The following SLC22A15 variants were observed in gnomAD, a reference collection of about 807,000 sequenced individuals.
SLC22A15 encodes flipt 1.
A neutral mutation model predicts 62.7 loss-of-function variants in SLC22A15; 45 were observed. That is an observed-to-expected ratio of 0.72 (90% confidence interval 0.56 to 0.92). The LOEUF is 0.92. Among genes scored for constraint, SLC22A15 ranks in the 40% least tolerant of loss-of-function variants. The pLI, the probability that SLC22A15 is intolerant of heterozygous loss-of-function variation, is 0.00. For synonymous variants in SLC22A15, 264 were observed against 267.0 expected (o/e 0.99, Z 0.11); for missense variants, 622 against 665.6 (o/e 0.93, Z 0.72).
At chr1:116,057,708 C>T (rs1658253705) in intron 8 of SLC22A15, among the ~76,000 whole-genome samples, 1 of 152,036 alleles carries the variant, frequency 6.6e-6, no homozygotes, top group Non-Finnish European at 1.5e-5. Flanking sequence ...ACATATACAC[C>T]ATGGAATACT....
intron 2 of SLC22A15, among the ~76,000 whole-genome samples, chr1:115,995,871 T>G (rs1460351484): frequency 1.3e-5 from 2 of 152,244 alleles, no homozygotes; most frequent in African/African-American, 2.4e-5. Flanking sequence ...TGCATGCAGT[T>G]GCAAGAAATA....
At chr1:116,047,751 T>C (rs1437149495) in intron 8 of SLC22A15, among the ~76,000 whole-genome samples, 1 of 151,870 alleles carries the variant, frequency 6.6e-6, no homozygotes, top group Non-Finnish European at 1.5e-5. Context: ...GCCTAGACCT[T>C]CCCTCTGACA....
chr1:116,004,548 A>C (rs1210479342), intron 2 of SLC22A15, among the ~76,000 whole-genome samples: 6 of 152,154 alleles, frequency 3.9e-5, no homozygotes, highest in African/African-American at 1.4e-4. Context: ...CTTTGGGTAC[A>C]TGCTTCTTTT....
intron 1 of SLC22A15, among the ~76,000 whole-genome samples, chr1:115,990,599 G>A (rs1281699): frequency 0.96 from 145,639 of 152,178 alleles, 69,727 homozygotes; most frequent in East Asian, 1. Flanking sequence ...AAGTCTAGGA[G>A]CTTACTTTCC....
chr1:116,010,247 G>A lies in SLC22A15; in HGVS notation c.301-9335G>A, dbSNP rs555706237. On this transcript the variant is annotated intron_variant, in intron 2 of 11. Coordinates refer to ENST00000369503, the MANE Select transcript of SLC22A15 (RefSeq NM_018420.3). Reference sequence around the variant, plus strand: ...CTTAATTAATGTTTGCAACCAAAAAGTGTAAGGTTGGAATTCTTAATATCA... The same window carrying A: ...CTTAATTAATGTTTGCAACCAAAAAATGTAAGGTTGGAATTCTTAATATCA... Among the ~76,000 whole-genome samples the A allele has an allele frequency of 3.3e-5, 5 of 152,312 alleles. No individual in the cohort carries two copies. The South Asian group carries it at 1.0e-3, about 32-fold the overall frequency.
chr1:115,995,617 A>G (rs1280609907), intron 2 of SLC22A15, among the ~76,000 whole-genome samples: 2 of 152,180 alleles, frequency 1.3e-5, no homozygotes, highest in African/African-American at 2.4e-5. Flanking sequence ...TTCTACTGTA[A>G]ACAAGAGCCC....
In SLC22A15 at chr1:116,037,393, G is replaced by A. The variant is rs531013902; in HGVS notation, c.1171+5G>A. 3 of 1,603,756 alleles carry A rather than the reference G, an allele frequency of 1.9e-6. No homozygotes were observed. The highest frequency in any genetic ancestry group is 2.2e-5 in the East Asian group (1 of 44,796). The stretch of plus-strand genomic sequence containing the variant: ...TGTTTCTTCCAGAAAAGAAAGGTAT[G>A]CCTTTCAAATTTCTACAAGGGTTTT... On this transcript the variant is annotated splice_donor_5th_base_variant and intron_variant, in intron 8 of 11. Coordinates refer to ENST00000369503, the MANE Select transcript of SLC22A15 (RefSeq NM_018420.3).
chr1:116,056,644 G>T (rs1000723577), intron 8 of SLC22A15, among the ~76,000 whole-genome samples: 1 of 151,698 alleles, frequency 6.6e-6, no homozygotes, highest in Non-Finnish European at 1.5e-5. Flanking sequence ...CACGCTACCT[G>T]ACTTCAAACT....
intron 2 of SLC22A15, among the ~76,000 whole-genome samples, chr1:116,008,876 G>T (rs921889086): frequency 6.6e-6 from 1 of 152,138 alleles, no homozygotes; most frequent in Non-Finnish European, 1.5e-5. Context: ...TGGTGTCAGC[G>T]TCTGCCTTCT....
chr1:115,976,705 G>A lies in SLC22A15; in HGVS notation c.78G>A (p.Val26=). The A allele has an allele frequency of 1.3e-6, 2 of 1,582,928 alleles. No individual in the cohort carries two copies. The change falls in exon 1 of 12, where the codon GTG becomes GTA. Residue 26 remains valine, a synonymous_variant. Coordinates refer to ENST00000369503, the MANE Select transcript of SLC22A15 (RefSeq NM_018420.3). ...YQMYLCFLLA[V]LLQLYVATEA... ...TGTACTTGTGCTTCCTGCTGGCCGT[G>A]CTGCTGCAGGTAAGTCCCCGCGGCC...
chr1:116,001,772 A>T (rs866871100), intron 2 of SLC22A15, among the ~76,000 whole-genome samples: 1 of 152,114 alleles, frequency 6.6e-6, no homozygotes, highest in South Asian at 2.1e-4. Flanking sequence ...CTTTCTCAAA[A>T]CATCTATTTT....
chr1:116,005,822 C>A (rs1424185093), intron 2 of SLC22A15, among the ~76,000 whole-genome samples: 2 of 152,064 alleles, frequency 1.3e-5, no homozygotes, highest in African/African-American at 2.4e-5. Context: ...CTCACAAATT[C>A]CTGCAAGGGT....
intron 2 of SLC22A15, among the ~76,000 whole-genome samples, chr1:116,008,124 G>A (rs1438401040): frequency 2.0e-5 from 3 of 152,112 alleles, no homozygotes; most frequent in East Asian, 1.9e-4. Context: ...AGTGACCGTG[G>A]GGAGATAGTG....
intron 8 of SLC22A15, among the ~76,000 whole-genome samples, chr1:116,057,284 TA>T (rs1234896169): frequency 6.6e-6 from 1 of 151,996 alleles, no homozygotes; most frequent in Admixed American, 6.6e-5. Flanking sequence ...GACATTTATG[TA>T]GCCAACAGAC....
chr1:116,037,182 G>C, intron 7 of SLC22A15, 121 bp from the exon 8 acceptor site: 1 of 801,194 alleles, frequency 1.2e-6, no homozygotes, highest in Admixed American at 2.2e-5. Flanking sequence ...TTGCCACTTA[G>C]CCTTAAGAGG....
At chr1:116,051,209 AC>A (rs1302541118) in intron 8 of SLC22A15, among the ~76,000 whole-genome samples, 10 of 152,166 alleles carry the variant, frequency 6.6e-5, no homozygotes, top group Non-Finnish European at 1.3e-4. Flanking sequence ...ATTAGAAAAA[AC>A]AATTCTAAAA....
In SLC22A15 at chr1:116,069,093, T is replaced by C. The variant is rs1658560279; in HGVS notation, c.*1985T>C. The C allele has an allele frequency of 6.6e-6, 1 of 152,184 alleles. No individual in the cohort carries two copies. 9.4% of individuals were successfully genotyped at this position (152,184 alleles called of 1,614,324 possible). A position where few individuals can be genotyped will look rare whatever the true frequency, so the allele number is the denominator to read the frequency against. On this transcript the variant is annotated 3_prime_UTR_variant, in exon 12 of 12. Coordinates refer to ENST00000369503, the MANE Select transcript of SLC22A15 (RefSeq NM_018420.3). ...ACTGGGTTCGATTGCCTCTGGCTAA[T>C]AGAGTTCAATTAGTTCTATCCCTGG...
At chr1:116,052,048 G>A (rs1325070824) in intron 8 of SLC22A15, among the ~76,000 whole-genome samples, 4 of 152,318 alleles carry the variant, frequency 2.6e-5, no homozygotes, top group Admixed American at 1.3e-4. Context: ...GCCAGACAGT[G>A]GGCGCAGGAC....
intron 6 of SLC22A15, chr1:116,032,865 A>C (rs1173778450): frequency 6.5e-6 from 1 of 154,362 alleles, no homozygotes; most frequent in East Asian, 1.9e-4. Context: ...CAGTCAGTCA[A>C]CCTCTGCCTT....
Sources: gnomAD v4.1 joint callset for allele counts (sites outside exome capture counted in the v4.1 genomes callset) on GRCh38, gnomAD v4.1.1 for gene constraint, MANE v1.5 for transcripts, NCBI Gene and HGNC (gene_info 2026-07-23, HGNC 2026-07-21) for gene names.